The following MYOF variants were observed in gnomAD, a reference collection of about 807,000 sequenced individuals.
The protein encoded by MYOF is fer-1-like 3, myoferlin.
MYOF carries 244 observed loss-of-function variants against 284.2 expected under a neutral mutation model. That is an observed-to-expected ratio of 0.86 (90% CI 0.77 to 0.95). The LOEUF (loss-of-function observed/expected upper bound fraction) is 0.95, where lower values mean the gene tolerates loss of function less well. Ranked by LOEUF, MYOF falls within the 40% of genes least tolerant of loss-of-function variation. The probability of loss-of-function intolerance (pLI) is 0.00; values close to 1 mark genes in which losing one functional copy is unlikely to be tolerated. For synonymous variants in MYOF, 904 were observed against 919.7 expected, an observed-to-expected ratio of 0.98 and a Z score of 0.31; for missense variants, 2,496 against 2,560.6, an observed-to-expected ratio of 0.97 and a Z score of 0.54.
rs764013301 is a variant in MYOF, at chr10:93,310,007, G to A, written c.6147+13C>T. On this transcript the variant is annotated intron_variant, in intron 53 of 53. Transcript: ENST00000359263. Reference sequence around the variant, plus strand: ...AAGAAAGCCAAGACAAGGGGCCAAGGAAGGGCTCCTACCGGCAAAGAGTAG... The same window carrying A: ...AAGAAAGCCAAGACAAGGGGCCAAGAAAGGGCTCCTACCGGCAAAGAGTAG... 10 of 1,613,876 alleles carry A rather than the reference G, an allele frequency of 6.2e-6. No homozygotes were observed. In the East Asian group the frequency reaches 1.8e-4, roughly 29 times the overall value.
intron 52 of MYOF, 48 bp downstream of exon 52, chr10:93,310,486 T>C: frequency 1.3e-6 from 2 of 1,578,286 alleles, no homozygotes; most frequent in Non-Finnish European, 1.7e-6. Context: ...AGGGGGGCTC[T>C]CAGCCTGCAG....
intron 5 of MYOF, among the ~76,000 whole-genome samples, chr10:93,423,824 C>T (rs2134182668): frequency 6.7e-6 from 1 of 150,218 alleles, no homozygotes; most frequent in East Asian, 2.0e-4. Context: ...CAGAGCCAGA[C>T]TCTGTCTAAA....
intron 52 of MYOF, among the ~76,000 whole-genome samples, 171 bp from the exon 53 acceptor site, chr10:93,310,338 A>G (rs932887028): frequency 6.6e-6 from 1 of 152,150 alleles, no homozygotes; most frequent in Non-Finnish European, 1.5e-5. Flanking sequence ...GCTTCCTAAG[A>G]TGCTGAACTT....
At chr10:93,447,209 C>T (rs1295173848) in intron 3 of MYOF, among the ~76,000 whole-genome samples, 1 of 152,160 alleles carries the variant, frequency 6.6e-6, no homozygotes, top group Non-Finnish European at 1.5e-5. Flanking sequence ...TGCACGTGAA[C>T]TTGTGATACT....
At chr10:93,387,962 A>G (rs770042268) in intron 18 of MYOF, 49 bp from the exon 19 acceptor site, 2 of 1,444,626 alleles carry the variant, frequency 1.4e-6, no homozygotes, top group Non-Finnish European at 1.9e-6. Flanking sequence ...AACAGCAAAA[A>G]GAATTCTGTG....
intron 41 of MYOF, among the ~76,000 whole-genome samples, chr10:93,334,780 C>A (rs1589404995): frequency 1.3e-5 from 2 of 152,142 alleles, no homozygotes; most frequent in African/African-American, 2.4e-5. Flanking sequence ...TAGGGACCCA[C>A]AAAAGAACTC....
chr10:93,387,865 A>C lies in MYOF; in HGVS notation c.1630T>G (p.Phe544Val). ...RGRILVELAT[F>V]LEKTPPDKKL... ...TTATCTGGTGGTGTCTTCTCAAGAA[A>C]AGTGGCTAATTCAACCAAGATCCTG... is the stretch of plus-strand genomic sequence containing the variant. The change falls in exon 19 of 54, where the codon TTT becomes GTT. Residue 544 changes from phenylalanine to valine, a missense_variant. Transcript: ENST00000359263. The C allele has an allele frequency of 1.2e-6, 2 of 1,614,182 alleles. No homozygotes were observed. Among genetic ancestry groups the C allele is most frequent in the African/African-American group, 2.7e-5 (2 of 75,044 alleles).
intron 3 of MYOF, among the ~76,000 whole-genome samples, chr10:93,433,211 G>T (rs1435635044): frequency 6.6e-6 from 1 of 152,188 alleles, no homozygotes; most frequent in African/African-American, 2.4e-5. Context: ...AGCCTGGAGT[G>T]CAACGGCGTG....
At chr10:93,337,679 C>G in intron 40 of MYOF, 136 bp downstream of exon 40, 1 of 664,688 alleles carries the variant, frequency 1.5e-6, no homozygotes, top group Admixed American at 2.9e-5. Flanking sequence ...GAGGGCTCTC[C>G]GGGAAGACAG....
intron 1 of MYOF, among the ~76,000 whole-genome samples, chr10:93,457,736 A>ATTT (rs5787062): frequency 2.5e-4 from 36 of 142,250 alleles, no homozygotes; most frequent in Non-Finnish European, 3.0e-4. Context: ...ATCTCATCTA[A>ATTT]TTTTTTTTTT....
chr10:93,412,792 T>C (rs1443050628), intron 5 of MYOF, among the ~76,000 whole-genome samples: 1 of 152,158 alleles, frequency 6.6e-6, no homozygotes, highest in Non-Finnish European at 1.5e-5. Context: ...CAAATGTGCC[T>C]TCACATTTGG....
At chr10:93,432,971 C>T (rs1589561699) in intron 3 of MYOF, among the ~76,000 whole-genome samples, 1 of 151,986 alleles carries the variant, frequency 6.6e-6, no homozygotes, top group Non-Finnish European at 1.5e-5. Flanking sequence ...ACACATTAGC[C>T]AGTCTATATA....
chr10:93,405,915 A>G (rs1847542155), intron 7 of MYOF, among the ~76,000 whole-genome samples: 1 of 149,604 alleles, frequency 6.7e-6, no homozygotes, highest in Non-Finnish European at 1.5e-5. Context: ...CTCCTGCCTC[A>G]ACCTCCCGAG....
chr10:93,354,666 A>ACTCTCTCT (rs140255016), intron 31 of MYOF, among the ~76,000 whole-genome samples: 2,055 of 119,262 alleles, frequency 0.017, 33 homozygotes, highest in African/African-American at 0.025. Context: ...TCACACATTC[A>ACTCTCTCT]CTCTCTCTCT....
At chr10:93,444,507 T>C (rs12251025) in intron 3 of MYOF, among the ~76,000 whole-genome samples, 24,526 of 152,222 alleles carry the variant, frequency 0.16, 3,373 homozygotes, top group African/African-American at 0.38. Flanking sequence ...CAGACTCCTT[T>C]TCCCATTCTT....
chr10:93,369,829 G>A (rs1276205337), intron 24 of MYOF, 53 bp from the exon 25 acceptor site: 3 of 1,602,508 alleles, frequency 1.9e-6, no homozygotes, highest in Non-Finnish European at 2.6e-6. Context: ...CAAAGACTGT[G>A]ACATTAAGTT....
chr10:93,316,548 GC>G (rs1842619602), intron 50 of MYOF, among the ~76,000 whole-genome samples, 165 bp downstream of exon 50: 2 of 152,214 alleles, frequency 1.3e-5, no homozygotes, highest in African/African-American at 4.8e-5. Context: ...CTGTCAGGCT[GC>G]ACTGCCAAGA....
At chr10:93,373,114 A>G (rs1845667362) in intron 23 of MYOF, 29 bp from the exon 24 acceptor site, 1 of 1,613,850 alleles carries the variant, frequency 6.2e-7, no homozygotes, top group African/African-American at 1.3e-5. Flanking sequence ...TGGAAGAGGA[A>G]GCACAGCCAT....
chr10:93,478,823 C>A (rs544552401), intron 1 of MYOF, among the ~76,000 whole-genome samples: 1 of 14,336 alleles, frequency 7.0e-5, no homozygotes, highest in African/African-American at 2.6e-4. Context: ...GTGAAACAGT[C>A]TCAAAAAAAA....
Sources: gnomAD v4.1 joint callset for allele counts (sites outside exome capture counted in the v4.1 genomes callset) on GRCh38, gnomAD v4.1.1 for gene constraint, MANE v1.5 for transcripts, NCBI Gene and HGNC (gene_info 2026-07-23, HGNC 2026-07-21) for gene names.